The following CDIN1 variants were observed in gnomAD, a reference collection of about 807,000 sequenced individuals.
CDIN1 encodes the protein CDAN1-interacting nuclease 1.
CDIN1 carries 33 observed loss-of-function variants against 45.3 expected under a neutral mutation model. The ratio of observed to expected loss-of-function variants is 0.73; its 90% CI spans 0.55 to 0.97. CDIN1 has a LOEUF of 0.97. CDIN1 is among the 50% of genes least tolerant of loss of function. The pLI is 0.00. For synonymous variants in CDIN1, 118 were observed against 124.4 expected (o/e 0.95, Z 0.34); for missense variants, 303 against 339.4 (o/e 0.89, Z 0.84).
chr15:36,701,133 G>C (rs1244828791), intron 8 of CDIN1, among the ~76,000 whole-genome samples: 1 of 141,722 alleles, frequency 7.1e-6, no homozygotes, highest in East Asian at 2.2e-4. Context: ...TAGATAGATA[G>C]ATAGATAGAT....
At chr15:36,669,845 G>T (rs970915379) in intron 5 of CDIN1, among the ~76,000 whole-genome samples, 2 of 152,042 alleles carry the variant, frequency 1.3e-5, no homozygotes, top group East Asian at 1.9e-4. Context: ...ATATCAAGGG[G>T]TATGTGGTAT....
intron 8 of CDIN1, among the ~76,000 whole-genome samples, chr15:36,702,383 C>CA (rs1230637343): frequency 6.6e-5 from 10 of 152,290 alleles, no homozygotes; most frequent in African/African-American, 2.2e-4. Flanking sequence ...ACCATAAATG[C>CA]ATATGCTGCT....
intron 1 of CDIN1, chr15:36,618,699 A>G (rs549073333): frequency 2.5e-5 from 20 of 797,342 alleles, no homozygotes; most frequent in African/African-American, 2.0e-4. Flanking sequence ...CTGCCCAGCA[A>G]CTCAGTATGA....
rs2043433699 is a variant in CDIN1 at position 36,721,920 on chromosome 15, G to T, written c.716+11959G>T. Among the ~76,000 whole-genome samples, 5 of 152,004 alleles carry T rather than the reference G, an allele frequency of 3.3e-5. No homozygotes were observed. In the South Asian group the frequency reaches 1.0e-3, roughly 32 times the overall value. Reference sequence around the variant, plus strand: ...AGGGAGACTGCTGGACTTCACCTGGGCTCGCCATTTGGACATCACAGCTGG... The same window carrying T: ...AGGGAGACTGCTGGACTTCACCTGGTCTCGCCATTTGGACATCACAGCTGG... On this transcript the variant is annotated intron_variant, in intron 10 of 10. Transcript: ENST00000566621.
chr15:36,794,241 A>C lies in CDIN1; in HGVS notation c.717-14083A>C, dbSNP rs372560004. Among the ~76,000 whole-genome samples the C allele has an allele frequency of 4.0e-5, 6 of 151,896 alleles. No individual in the cohort carries two copies. The East Asian group carries it at 5.8e-4, about 15-fold the overall frequency. On this transcript the variant is annotated intron_variant, in intron 10 of 10. Coordinates refer to ENST00000566621, the MANE Select transcript of CDIN1 (RefSeq NM_001321759.2). ...GCCTGGCTAATTTTTTTGTATTTTT[A>C]GTAGAGACGGGTTTCACTGTGTTAG...
At chr15:36,619,516 T>TATCC (rs1187231286) in intron 1 of CDIN1, among the ~76,000 whole-genome samples, 27 of 129,482 alleles carry the variant, frequency 2.1e-4, no homozygotes, top group East Asian at 4.5e-4. Flanking sequence ...TCTATCTATC[T>TATCC]ATCCATCCAT....
chr15:36,689,303 T>TA (rs2042161452), intron 5 of CDIN1, among the ~76,000 whole-genome samples: 1 of 152,316 alleles, frequency 6.6e-6, no homozygotes, highest in Non-Finnish European at 1.5e-5. Context: ...TTTCTTTTTT[T>TA]AAAAAACAGC....
chr15:36,725,664 C>G (rs1181640444), intron 10 of CDIN1, among the ~76,000 whole-genome samples: 3 of 152,132 alleles, frequency 2.0e-5, no homozygotes, highest in Non-Finnish European at 4.4e-5. Context: ...GGCAAGAGAA[C>G]TATCAAGAGG....
At chr15:36,649,897 T>C (rs2040503291) in intron 3 of CDIN1, among the ~76,000 whole-genome samples, 3 of 152,224 alleles carry the variant, frequency 2.0e-5, no homozygotes. Context: ...CTGTGTCTTA[T>C]ATATGTATTG....
chr15:36,787,416 T>C (rs953014272), intron 10 of CDIN1, among the ~76,000 whole-genome samples: 6 of 152,246 alleles, frequency 3.9e-5, no homozygotes, highest in African/African-American at 1.4e-4. Flanking sequence ...ACCCACACTT[T>C]CATTTGCATT....
chr15:36,707,157 T>G (rs550141115), intron 8 of CDIN1: 19 of 152,240 alleles, frequency 1.2e-4, no homozygotes, highest in African/African-American at 4.3e-4. Flanking sequence ...ACACAGCATT[T>G]TACATGTTTG....
intron 1 of CDIN1, among the ~76,000 whole-genome samples, chr15:36,589,725 C>T (rs1382747905): frequency 9.2e-5 from 14 of 151,730 alleles, no homozygotes; most frequent in African/African-American, 2.7e-4. Flanking sequence ...AGGATGGTCT[C>T]GATCTCCTGA....
intron 10 of CDIN1, among the ~76,000 whole-genome samples, chr15:36,785,317 G>A (rs79241299): frequency 0.019 from 2,952 of 152,270 alleles, 104 homozygotes; most frequent in African/African-American, 0.066. Context: ...TATTTCAATA[G>A]TCTGTCTGAT....
At position 36,609,111 on chromosome 15, in the gene CDIN1, G is replaced by T. The variant is rs2247077; in HGVS notation, c.101+29150G>T. Among the ~76,000 whole-genome samples, 2 of 152,078 alleles carry T rather than the reference G, an allele frequency of 1.3e-5. 1 individual carries two copies. Among genetic ancestry groups the T allele is most frequent in the South Asian group, 4.1e-4 (2 of 4,824 alleles). On this transcript the variant is annotated intron_variant, in intron 1 of 10. Transcript: ENST00000566621. ...CTGCAGCCTCAACCTCACACGCTCC[G>T]GTGATGCTTCTGCCTCAGCCTCCTG...
At chr15:36,749,747 A>G (rs1301021344) in intron 10 of CDIN1, among the ~76,000 whole-genome samples, 3 of 152,218 alleles carry the variant, frequency 2.0e-5, no homozygotes, top group South Asian at 2.1e-4. Context: ...GAGGTGGCCT[A>G]CCTGTCCAAG....
At chr15:36,699,723 G>A (rs535681426) in intron 8 of CDIN1, among the ~76,000 whole-genome samples, 1 of 151,946 alleles carries the variant, frequency 6.6e-6, no homozygotes, top group Non-Finnish European at 1.5e-5. Context: ...CAATTGAAGG[G>A]AAAAATAAAT....
At chr15:36,684,971 T>A (rs2041987944) in intron 5 of CDIN1, among the ~76,000 whole-genome samples, 1 of 152,090 alleles carries the variant, frequency 6.6e-6, no homozygotes, top group Non-Finnish European at 1.5e-5. Flanking sequence ...CTTCTCTCTT[T>A]TTTTCTTTAT....
At chr15:36,671,844 A>C (rs2041463603) in intron 5 of CDIN1, among the ~76,000 whole-genome samples, 1 of 152,132 alleles carries the variant, frequency 6.6e-6, no homozygotes, top group Admixed American at 6.6e-5. Flanking sequence ...AGTTCTGAAA[A>C]TTGAGCCTTG....
intron 10 of CDIN1, chr15:36,799,114 A>C (rs1427509462): frequency 6.6e-6 from 1 of 152,210 alleles, no homozygotes; most frequent in Non-Finnish European, 1.5e-5. Flanking sequence ...AATTCACACG[A>C]CCAATTTTGT....
Sources: allele counts gnomAD v4.1 joint callset (sites outside exome capture counted in the v4.1 genomes callset), GRCh38; gene constraint gnomAD v4.1.1; transcripts MANE v1.5; gene names NCBI Gene and HGNC (gene_info 2026-07-23, HGNC 2026-07-21).